The following ITGB5 variants were observed in gnomAD, a reference collection of about 807,000 sequenced individuals.
The protein encoded by ITGB5 is integrin subunit beta 5.
A neutral mutation model predicts 84.8 loss-of-function variants in ITGB5; 38 were observed. The ratio of observed to expected loss-of-function variants is 0.45; its 90% CI spans 0.35 to 0.59. The LOEUF is 0.59. Ranked by LOEUF, ITGB5 falls within the 20% of genes least tolerant of loss-of-function variation. The pLI, the probability that ITGB5 is intolerant of heterozygous loss-of-function variation, is 0.01. For missense variants in ITGB5, 905 were observed against 1,034.5 expected (o/e 0.87, Z 1.72); for synonymous variants, 393 against 414.4 (o/e 0.95, Z 0.63).
intron 3 of ITGB5, among the ~76,000 whole-genome samples, chr3:124,853,765 G>C (rs562099364): frequency 3.0e-4 from 46 of 152,296 alleles, no homozygotes; most frequent in African/African-American, 1.1e-3. Flanking sequence ...CTGGTTTTGA[G>C]AATGTACTTT....
intron 8 of ITGB5, among the ~76,000 whole-genome samples, chr3:124,813,237 T>C (rs1419684083): frequency 6.6e-6 from 1 of 152,152 alleles, no homozygotes; most frequent in Non-Finnish European, 1.5e-5. Context: ...GATGAGTACT[T>C]GGAAGGAAAA....
At position 124,762,091 on chromosome 3, in the gene ITGB5, A is replaced by G. The variant is rs544351297; in HGVS notation, c.*1532T>C. The G allele has an allele frequency of 6.6e-6, 1 of 152,308 alleles. No individual in the cohort carries two copies. Among genetic ancestry groups the G allele is most frequent in the Admixed American group, 6.5e-5 (1 of 15,294 alleles). The allele number at this position is 152,308 out of a possible 1,614,324, so 9.4% of individuals were successfully genotyped here. On this transcript the variant is annotated 3_prime_UTR_variant, in exon 15 of 15. Transcript: ENST00000296181. ...CAAGTTACCAGGTCTCTGTTTCATC[A>G]TATTTACACAAGATGAAGGAAACTC... is the stretch of plus-strand genomic sequence containing the variant.
At chr3:124,868,503 G>C (rs73860430) in intron 2 of ITGB5, among the ~76,000 whole-genome samples, 1 of 151,568 alleles carries the variant, frequency 6.6e-6, no homozygotes, top group Non-Finnish European at 1.5e-5. Flanking sequence ...CAAGAGGCCA[G>C]GCACAGTGGC....
intron 10 of ITGB5, among the ~76,000 whole-genome samples, chr3:124,793,520 G>GC (rs1048723834): frequency 4.6e-5 from 7 of 152,300 alleles, no homozygotes; most frequent in South Asian, 2.1e-4. Context: ...ACCAGGTGTG[G>GC]CCCCCCCAGA....
At chr3:124,783,316 G>C (rs201032921) in intron 10 of ITGB5, among the ~76,000 whole-genome samples, 2 of 140,466 alleles carry the variant, frequency 1.4e-5, no homozygotes, top group Non-Finnish European at 3.2e-5. Flanking sequence ...AAAAAAAAGA[G>C]AGAGAGAGAG....
chr3:124,835,462 G>A (rs918169270), intron 5 of ITGB5, among the ~76,000 whole-genome samples: 1 of 152,248 alleles, frequency 6.6e-6, no homozygotes, highest in African/African-American at 2.4e-5. Context: ...CATGCGCAAT[G>A]CCCAGAGAAA....
chr3:124,764,614 C>T (rs1424176138), intron 13 of ITGB5, 57 bp from the exon 14 acceptor site: 19 of 1,536,844 alleles, frequency 1.2e-5, no homozygotes, highest in African/African-American at 5.5e-5. Flanking sequence ...GCCCCTCTCA[C>T]GCAACTGCAG....
In ITGB5 at chr3:124,763,430, C is replaced by T. The variant is rs1010042767; in HGVS notation, c.*193G>A. 6.3e-6 allele frequency: 3 copies of T among 476,134 alleles called. No homozygotes were observed. Among genetic ancestry groups the T allele is most frequent in the Non-Finnish European group, 1.1e-5 (3 of 264,622 alleles). The allele number at this position is 476,134 out of a possible 1,614,324, so 29.5% of individuals were successfully genotyped here. On this transcript the variant is annotated 3_prime_UTR_variant, in exon 15 of 15. Transcript: ENST00000296181. The stretch of plus-strand genomic sequence containing the variant: ...CGGAGGGACGCAGCCTGGCATGGCT[C>T]TGGCCTAGCAGCCAGGTGACATGGC...
intron 1 of ITGB5, among the ~76,000 whole-genome samples, chr3:124,874,633 C>T (rs1276756210): frequency 1.3e-5 from 2 of 152,192 alleles, no homozygotes; most frequent in African/African-American, 2.4e-5. Context: ...ATTAAAACAG[C>T]ACAGTACTGG....
In ITGB5 at chr3:124,773,902, C is replaced by G. The variant is rs770992653; in HGVS notation, c.1704G>C (p.Glu568Asp). 8 of 1,614,192 alleles carry G rather than the reference C, an allele frequency of 5.0e-6. No individual in the cohort carries two copies. The highest frequency in any genetic ancestry group is 1.7e-5 in the Admixed American group (1 of 60,036). ...NKGVLCSGHG[E>D]CHCGECKCHA... Reference sequence around the variant, plus strand: ...GGCACTTGCATTCCCCGCAGTGACACTCGCCATGGCCTAAAAGGATACATG... The same window carrying G: ...GGCACTTGCATTCCCCGCAGTGACAGTCGCCATGGCCTAAAAGGATACATG... Residue 568 changes from glutamate (E) to aspartate (D), a missense_variant, in exon 11 of 15, where the codon GAG (glutamate) becomes GAC (aspartate). Transcript: ENST00000296181.
At chr3:124,834,358 A>G (rs528451110) in intron 5 of ITGB5, among the ~76,000 whole-genome samples, 67 of 151,486 alleles carry the variant, frequency 4.4e-4, no homozygotes, top group African/African-American at 1.6e-3. Flanking sequence ...TTTATTTTCT[A>G]TTCATTTTTG....
chr3:124,798,808 C>A (rs1165084192), intron 9 of ITGB5, among the ~76,000 whole-genome samples: 1 of 152,198 alleles, frequency 6.6e-6, no homozygotes, highest in Non-Finnish European at 1.5e-5. Flanking sequence ...TTTACTGGTT[C>A]TAAAAGGCCT....
chr3:124,772,417 AGCAGCCGCT>A (rs1291625769), intron 11 of ITGB5, among the ~76,000 whole-genome samples: 1 of 152,204 alleles, frequency 6.6e-6, no homozygotes, highest in Non-Finnish European at 1.5e-5. Flanking sequence ...CAGACTGACC[AGCAGCCGCT>A]GCAGGCGCAG....
intron 12 of ITGB5, among the ~76,000 whole-genome samples, chr3:124,766,946 G>A (rs750201322): frequency 1.3e-5 from 2 of 152,204 alleles, no homozygotes; most frequent in Non-Finnish European, 2.9e-5. Context: ...GGCCCTGAAC[G>A]TGGCCCGGCC....
rs377430136 is a variant in ITGB5 at position 124,899,717 on chromosome 3, T to C, written c.-255+1549A>G. Among the ~76,000 whole-genome samples the C allele has an allele frequency of 2.3e-4, 35 of 151,664 alleles. 1 individual carries two copies. In the East Asian group the frequency reaches 6.8e-3, roughly 29 times the overall value. ...AAATATTTTAAAAATTAGCTGGGTG[T>C]GGTGGCATTCACCTGTGGTCCCACC... On this transcript the variant is annotated intron_variant, in intron 1 of 4. Transcript: ENST00000608657.
intron 4 of ITGB5, among the ~76,000 whole-genome samples, chr3:124,842,802 AC>A (rs2065027667): frequency 6.6e-6 from 1 of 152,216 alleles, no homozygotes. Context: ...AAGCAGACTC[AC>A]CAGGGCAGGT....
At chr3:124,880,733 A>G (rs1410667757) in intron 1 of ITGB5, among the ~76,000 whole-genome samples, 1 of 152,028 alleles carries the variant, frequency 6.6e-6, no homozygotes, top group African/African-American at 2.4e-5. Context: ...TTCAAGACCA[A>G]CCTGGCCTAC....
upstream of ITGB5, among the ~76,000 whole-genome samples, chr3:124,889,422 C>T (rs887252019): frequency 6.6e-6 from 1 of 152,216 alleles, no homozygotes; most frequent in Non-Finnish European, 1.5e-5. Context: ...ATTGATGTCT[C>T]ATGTCTCCCT....
At chr3:124,819,136 T>A (rs2064658037) in intron 7 of ITGB5, among the ~76,000 whole-genome samples, 1 of 152,212 alleles carries the variant, frequency 6.6e-6, no homozygotes, top group Non-Finnish European at 1.5e-5. Context: ...AACAGATCCA[T>A]ACCCAGACTG....
Sources: allele counts gnomAD v4.1 joint callset (sites outside exome capture counted in the v4.1 genomes callset), GRCh38; gene constraint gnomAD v4.1.1; transcripts MANE v1.5; gene names NCBI Gene and HGNC (gene_info 2026-07-23, HGNC 2026-07-21).